MAP2K4: variants seen among roughly 807,000 people sequenced by gnomAD.
MAP2K4 encodes the protein dual specificity mitogen-activated protein kinase kinase 4.
In MAP2K4, 4 loss-of-function variants were observed where a neutral mutation model predicts 48.5. The observed-to-expected ratio is 0.08, with a 90% confidence interval of 0.04 to 0.19. The LOEUF (loss-of-function observed/expected upper bound fraction) is 0.19, where lower values mean the gene tolerates loss of function less well. MAP2K4 is among the 10% of genes least tolerant of loss of function. The pLI is 1.00. For missense variants in MAP2K4, 258 were observed against 493.3 expected (o/e 0.52, Z 4.52); for synonymous variants, 166 against 173.1 (o/e 0.96, Z 0.32).
rs117515243 is a variant in MAP2K4 at position 12,136,754 on chromosome 17, G to C, written c.1041-3085G>C. On this transcript the variant is annotated intron_variant, in intron 9 of 10. Coordinates refer to ENST00000353533, the MANE Select transcript of MAP2K4 (RefSeq NM_003010.4). ...TACACTGACATAATTTTCTGCTCCA[G>C]TAGATGAAATAGAAAAACACAAAAC... 6.2e-3 allele frequency among the ~76,000 whole-genome samples: 949 copies of C among 152,258 alleles called. 2 individuals are homozygous for C. Among genetic ancestry groups the C allele is most frequent in the East Asian group, 0.036 (188 of 5,192 alleles).
intron 7 of MAP2K4, among the ~76,000 whole-genome samples, chr17:12,120,935 C>T (rs985950972): frequency 1.3e-5 from 2 of 152,220 alleles, no homozygotes; most frequent in Non-Finnish European, 1.5e-5. Flanking sequence ...TACTGTGCTG[C>T]TTAGTTCCCC....
chr17:12,142,257 C>T lies in MAP2K4; in HGVS notation c.*997C>T, dbSNP rs1443041330. ...ACTAACAGGGAGAAGTAGCTAGTAG[C>T]AATGTGCCTTGATTGATTAGATAAA... is the stretch of plus-strand genomic sequence containing the variant. On this transcript the variant is annotated 3_prime_UTR_variant, in exon 11 of 11. Coordinates refer to ENST00000353533, the MANE Select transcript of MAP2K4 (RefSeq NM_003010.4). 4.3e-6 allele frequency: 1 copy of T among 233,442 alleles called. No homozygotes were observed. The highest frequency in any genetic ancestry group is 8.5e-6 in the Non-Finnish European group (1 of 117,946). 14.5% of individuals were successfully genotyped at this position (233,442 alleles called of 1,614,324 possible).
At chr17:12,057,417 A>G (rs1164303411) in intron 2 of MAP2K4, among the ~76,000 whole-genome samples, 2 of 115,556 alleles carry the variant, frequency 1.7e-5, no homozygotes, top group African/African-American at 6.5e-5. Flanking sequence ...TGTAGCAGGG[A>G]TGTTATTTAT....
intron 2 of MAP2K4, among the ~76,000 whole-genome samples, chr17:12,078,408 ATATT>A (rs767649554): frequency 3.9e-5 from 6 of 152,172 alleles, no homozygotes; most frequent in African/African-American, 1.4e-4. Flanking sequence ...CATGGTGTAT[ATATT>A]TATGGAGTAT....
At position 12,078,235 on chromosome 17, in the gene MAP2K4, G is replaced by T. The variant is rs113581621; in HGVS notation, c.219-3121G>T. 8.5e-3 allele frequency among the ~76,000 whole-genome samples: 1,298 copies of T among 152,298 alleles called. 24 individuals carry two copies. Among genetic ancestry groups the T allele is most frequent in the African/African-American group, 0.03 (1,238 of 41,546 alleles). On this transcript the variant is annotated intron_variant, in intron 2 of 10. Transcript: ENST00000353533. ...ACAGCTGATAGTTACTGCCACAGCG[G>T]CTGTTGTCTGAGTTTCCCAGGTTGG...
chr17:12,071,094 T>G (rs1970791362), intron 2 of MAP2K4, among the ~76,000 whole-genome samples: 1 of 152,224 alleles, frequency 6.6e-6, no homozygotes, highest in South Asian at 2.1e-4. Context: ...TGCATCTCTA[T>G]CTTCTCCTTT....
At chr17:12,065,355 A>G (rs1483334408) in intron 2 of MAP2K4, among the ~76,000 whole-genome samples, 2 of 148,324 alleles carry the variant, frequency 1.3e-5, no homozygotes, top group South Asian at 2.1e-4. Flanking sequence ...CTGGAGTGCA[A>G]TGGTGCGATC....
intron 9 of MAP2K4, among the ~76,000 whole-genome samples, chr17:12,133,606 AT>A (rs375757492): frequency 1.3e-5 from 2 of 152,132 alleles, no homozygotes; most frequent in East Asian, 3.9e-4. Context: ...CACCATTGGA[AT>A]TTTTTTTAGG....
At chr17:12,029,403 A>G (rs1380195231) in intron 1 of MAP2K4, among the ~76,000 whole-genome samples, 3 of 152,220 alleles carry the variant, frequency 2.0e-5, no homozygotes, top group Non-Finnish European at 2.9e-5. Context: ...GGGCCAGGAA[A>G]AATGAAAAAG....
At chr17:12,132,052 A>C (rs1973043597) in intron 9 of MAP2K4, among the ~76,000 whole-genome samples, 1 of 152,228 alleles carries the variant, frequency 6.6e-6, no homozygotes, top group South Asian at 2.1e-4. Context: ...TATAATTACC[A>C]GAATGACCAC....
intron 6 of MAP2K4, 22 bp from the exon 7 acceptor site, chr17:12,113,211 G>A (rs891395881): frequency 1.7e-5 from 27 of 1,609,552 alleles, no homozygotes; most frequent in Non-Finnish European, 2.3e-5. Flanking sequence ...ATTGTATACT[G>A]AATGATATCT....
chr17:12,122,721 TAAAA>T (rs1972731653), intron 7 of MAP2K4, among the ~76,000 whole-genome samples: 1 of 152,158 alleles, frequency 6.6e-6, no homozygotes, highest in Non-Finnish European at 1.5e-5. Context: ...CAATATTAAT[TAAAA>T]AGAAAGTGTT....
intron 1 of MAP2K4, among the ~76,000 whole-genome samples, chr17:12,048,815 C>T (rs1272974181): frequency 6.6e-6 from 1 of 151,940 alleles, no homozygotes; most frequent in East Asian, 1.9e-4. Context: ...TGCCACCACG[C>T]CCGGCTAATT....
chr17:12,025,018 A>G (rs970530228), intron 1 of MAP2K4, among the ~76,000 whole-genome samples: 33 of 152,358 alleles, frequency 2.2e-4, no homozygotes, highest in Non-Finnish European at 4.1e-4. Flanking sequence ...AGAGCTTGCC[A>G]GTTGAGAATT....
intron 1 of MAP2K4, 65 bp from the exon 2 acceptor site, chr17:12,054,824 T>C: frequency 2.1e-6 from 2 of 960,932 alleles, no homozygotes; most frequent in Non-Finnish European, 3.3e-6. Context: ...GACTTTCTTA[T>C]GCCCTCAGAA....
chr17:12,129,313 G>A (rs557270571), intron 9 of MAP2K4, 26 bp downstream of exon 9: 11 of 1,613,828 alleles, frequency 6.8e-6, no homozygotes, highest in South Asian at 1.1e-5. Context: ...ATGAATGGTC[G>A]AACACGCATG....
At chr17:12,105,469 T>C (rs1208613010) in intron 4 of MAP2K4, among the ~76,000 whole-genome samples, 1 of 152,196 alleles carries the variant, frequency 6.6e-6, no homozygotes, top group Non-Finnish European at 1.5e-5. Flanking sequence ...GTATATGTTA[T>C]TGGTTATATA....
chr17:12,139,905 A>T, intron 10 of MAP2K4, 21 bp downstream of exon 10: 1 of 1,565,850 alleles, frequency 6.4e-7, no homozygotes, highest in Non-Finnish European at 8.7e-7. Context: ...GACTGTGGGG[A>T]TTGTAGGTAC....
chr17:12,066,221 C>T (rs1187930109), intron 2 of MAP2K4, among the ~76,000 whole-genome samples: 2 of 151,214 alleles, frequency 1.3e-5, no homozygotes. Flanking sequence ...TCATGTTACC[C>T]TTTAAAAAAT....
Sources: allele counts gnomAD v4.1 joint callset (sites outside exome capture counted in the v4.1 genomes callset), GRCh38; gene constraint gnomAD v4.1.1; transcripts MANE v1.5; gene names NCBI Gene and HGNC (gene_info 2026-07-23, HGNC 2026-07-21).